DCT: variants seen among roughly 807,000 people sequenced by gnomAD.
The protein encoded by DCT is dopachrome tautomerase.
A neutral mutation model predicts 53.0 loss-of-function variants in DCT; 47 were observed. The ratio of observed to expected loss-of-function variants is 0.89; its 90% CI spans 0.70 to 1.13. DCT has a LOEUF of 1.13. Ranked by LOEUF, DCT falls within the 50% of genes most tolerant of loss-of-function variation. The pLI is 0.00. For missense variants in DCT, 669 were observed against 637.4 expected, an observed-to-expected ratio of 1.05 and a Z score of -0.53; for synonymous variants, 244 against 237.0, an observed-to-expected ratio of 1.03 and a Z score of -0.27.
the DCT span, among the ~76,000 whole-genome samples, chr13:94,531,373 C>T: frequency 6.6e-6 from 1 of 152,154 alleles, no homozygotes; most frequent in South Asian, 2.1e-4. Context: ...AGGCATCAGG[C>T]TACCTGACTT....
At chr13:94,533,265 G>A in the DCT span, among the ~76,000 whole-genome samples, 67 of 151,126 alleles carry the variant, frequency 4.4e-4, no homozygotes, top group African/African-American at 1.5e-3. Flanking sequence ...AATTTATTTG[G>A]CATAACCCAT....
At chr13:94,532,228 C>T in the DCT span, among the ~76,000 whole-genome samples, 2 of 152,094 alleles carry the variant, frequency 1.3e-5, no homozygotes, top group Non-Finnish European at 2.9e-5. Flanking sequence ...GACAGTGTGG[C>T]GATTCCTCAA....
the DCT span, among the ~76,000 whole-genome samples, chr13:94,498,795 G>T: frequency 1.3e-5 from 2 of 152,182 alleles, no homozygotes; most frequent in African/African-American, 4.8e-5. Context: ...CTAGCTAAAG[G>T]ATTGTAAATG....
Position 94,462,159 on chromosome 13 carries a change from C to T in DCT, c.894G>A (p.Leu298=). 1 of 1,613,280 alleles carries T rather than the reference C, an allele frequency of 6.2e-7. No individual in the cohort carries two copies. Among genetic ancestry groups the T allele is most frequent in the Non-Finnish European group, 8.5e-7 (1 of 1,179,658 alleles). The part of the protein sequence containing the change: ...SLDDYNHLVT[L]CNGTYEGLLR... ...GCAAACCTTCATAGGTTCCATTGCA[C>T]AAGGTGACCAGGTGGTTGTAGTCAT... Residue 298 remains leucine, a synonymous_variant, in exon 5 of 8, where the codon TTG becomes TTA. Coordinates refer to ENST00000377028, the MANE Select transcript of DCT (RefSeq NM_001922.5).
the DCT span, among the ~76,000 whole-genome samples, chr13:94,492,066 A>G: frequency 1.3e-5 from 2 of 152,176 alleles, no homozygotes; most frequent in Middle Eastern, 6.8e-3. Flanking sequence ...AAAACATGAG[A>G]TCTCTCTTAC....
intron 1 of DCT, 37 bp downstream of exon 1, chr13:94,478,924 C>G (rs1293084447): frequency 1.9e-6 from 3 of 1,562,500 alleles, no homozygotes; most frequent in African/African-American, 1.4e-5. Flanking sequence ...TTCCCCAGCT[C>G]TGGCCCTCCC....
At chr13:94,547,274 G>A in the DCT span, among the ~76,000 whole-genome samples, 19 of 151,890 alleles carry the variant, frequency 1.3e-4, no homozygotes, top group African/African-American at 4.3e-4. Flanking sequence ...GTACCACCAC[G>A]CCCAGCTCAT....
At chr13:94,523,988 T>TGG in the DCT span, among the ~76,000 whole-genome samples, 4 of 152,132 alleles carry the variant, frequency 2.6e-5, no homozygotes, top group Non-Finnish European at 4.4e-5. Flanking sequence ...GAAACTACTT[T>TGG]GGGAGAGAAA....
the DCT span, among the ~76,000 whole-genome samples, chr13:94,531,952 A>T: frequency 1.3e-5 from 2 of 151,776 alleles, no homozygotes; most frequent in Middle Eastern, 3.4e-3. Flanking sequence ...AAGAAAAAAA[A>T]ATCCCATCAA....
intron 1 of DCT, among the ~76,000 whole-genome samples, chr13:94,478,074 A>C (rs1885214192): frequency 6.6e-6 from 1 of 152,150 alleles, no homozygotes; most frequent in Non-Finnish European, 1.5e-5. Context: ...AAGGAAGGAC[A>C]CTGAGCAAAT....
At chr13:94,530,575 G>A in the DCT span, among the ~76,000 whole-genome samples, 7 of 152,096 alleles carry the variant, frequency 4.6e-5, no homozygotes, top group East Asian at 5.8e-4. Flanking sequence ...AAAGGCCTTC[G>A]ACAAAATTCA....
chr13:94,506,157 T>C, the DCT span, among the ~76,000 whole-genome samples: 2 of 152,348 alleles, frequency 1.3e-5, no homozygotes, highest in South Asian at 4.1e-4. Flanking sequence ...TCTGCCACCA[T>C]GGATATCTAA....
chr13:94,497,270 A>G, the DCT span, among the ~76,000 whole-genome samples: 1 of 152,010 alleles, frequency 6.6e-6, no homozygotes, highest in African/African-American at 2.4e-5. Context: ...TTGAACGGTA[A>G]CCCTTCCCTG....
Position 94,438,808 on chromosome 13 carries a change from C to A in DCT, c.*1090G>T. ...ATGTTTTGTACAGATGGTTTGCTTT[C>A]AAATGATAAGACTTAATTGATCAGC... On this transcript the variant is annotated 3_prime_UTR_variant, in exon 8 of 8. Coordinates refer to ENST00000377028, the MANE Select transcript of DCT (RefSeq NM_001922.5). 1 of 342,476 alleles carries A rather than the reference C, an allele frequency of 2.9e-6. No homozygotes were observed. The highest frequency in any genetic ancestry group is 5.8e-6 in the Non-Finnish European group (1 of 172,380). The allele number at this position is 342,476 out of a possible 1,614,324, so 21.2% of individuals were successfully genotyped here.
chr13:94,497,228 G>A, the DCT span, among the ~76,000 whole-genome samples: 1 of 152,182 alleles, frequency 6.6e-6, no homozygotes, highest in Non-Finnish European at 1.5e-5. Flanking sequence ...CCCTGAGCAG[G>A]AGGGAGTTCT....
At chr13:94,449,371 G>C (rs1397800228) in intron 6 of DCT, among the ~76,000 whole-genome samples, 1 of 152,186 alleles carries the variant, frequency 6.6e-6, no homozygotes, top group Non-Finnish European at 1.5e-5. Context: ...TGCATCTAGA[G>C]AAAGAACCAT....
At chr13:94,442,936 A>C (rs1882444033) in intron 7 of DCT, among the ~76,000 whole-genome samples, 1 of 152,150 alleles carries the variant, frequency 6.6e-6, no homozygotes, top group South Asian at 2.1e-4. Context: ...ATTATTACTT[A>C]CCTTGATTAC....
chr13:94,496,128 C>A, the DCT span, among the ~76,000 whole-genome samples: 2 of 152,146 alleles, frequency 1.3e-5, no homozygotes, highest in African/African-American at 2.4e-5. Flanking sequence ...AAGTGTGATC[C>A]AGCTTAATCA....
rs375878285 is a variant in DCT at position 94,464,637 on chromosome 13, TCAAAAAAA to T, written c.863+988_863+995del. On this transcript the variant is annotated intron_variant, in intron 4 of 7. Coordinates refer to ENST00000377028, the MANE Select transcript of DCT (RefSeq NM_001922.5). ...CCTGGTGACAGAGTGAGACTCCATC[TCAAAAAAA>T]CAAAAAAACAAAAAACAAAAAACAA... 2.9e-4 allele frequency among the ~76,000 whole-genome samples: 43 copies of T among 149,816 alleles called. 1 individual carries two copies. In the East Asian group the frequency reaches 7.2e-3, roughly 25 times the overall value.
Sources: gnomAD v4.1 joint callset for allele counts (sites outside exome capture counted in the v4.1 genomes callset) on GRCh38, gnomAD v4.1.1 for gene constraint, MANE v1.5 for transcripts, NCBI Gene and HGNC (gene_info 2026-07-23, HGNC 2026-07-21) for gene names.